Variants in VSIG1 observed in about 807,000 individuals in gnomAD.
The protein encoded by VSIG1 is V-set and immunoglobulin domain containing 1, also known as V-set and immunoglobulin domain-containing protein 1.
In VSIG1, 11 loss-of-function variants were observed where a neutral mutation model predicts 20.1. The ratio of observed to expected loss-of-function variants is 0.55; its 90% CI spans 0.34 to 0.91. VSIG1 has a LOEUF of 0.91. Among genes scored for constraint, VSIG1 ranks in the 40% least tolerant of loss-of-function variants. The probability of loss-of-function intolerance (pLI) is 0.02; values close to 1 mark genes in which losing one functional copy is unlikely to be tolerated. For missense variants in VSIG1, 283 were observed against 298.8 expected (o/e 0.95, Z 0.39); for synonymous variants, 126 against 116.7 (o/e 1.08, Z -0.52).
the VSIG1 span, among the ~76,000 whole-genome samples, chrX:108,031,908 G>C: frequency 8.9e-6 from 1 of 111,997 alleles, no homozygotes; most frequent in Non-Finnish European, 1.9e-5. Context: ...TCTCAAACTA[G>C]GGCCTCTGCT....
rs1569287407 is a variant in VSIG1, at chrX:108,047,957, C to CATATATATATATAT, written c.49+2779_49+2780insTATATATATATATA. On this transcript the variant is annotated intron_variant, in intron 1 of 6. Transcript: ENST00000217957. ...ATACACATATATATATATATATACA[C>CATATATATATATAT]ACACATATATATATATATATATATA... Among the ~76,000 whole-genome samples the CATATATATATATAT allele has an allele frequency of 8.1e-4, 21 of 25,895 alleles. 1 individual carries two copies. The highest frequency in any genetic ancestry group is 1.6e-3 in the Admixed American group (3 of 1,831). The allele number at this position is 25,895 out of a possible 115,157, so 22.5% of individuals were successfully genotyped here.
At chrX:108,050,687 A>G (rs1363236457) in intron 1 of VSIG1, among the ~76,000 whole-genome samples, 1 of 111,337 alleles carries the variant, frequency 9.0e-6, no homozygotes, top group Non-Finnish European at 1.9e-5. Flanking sequence ...TAATTACTTC[A>G]TCTTTCTGTA....
intron 4 of VSIG1, 131 bp downstream of exon 4, chrX:108,072,963 G>A: frequency 4.2e-6 from 3 of 706,295 alleles, no homozygotes; most frequent in Non-Finnish European, 6.2e-6. Flanking sequence ...GGTGGAGGGG[G>A]GCGGCTGGTA....
rs774251951 is a variant in VSIG1 at position 108,055,826 on chromosome X, A to C, written c.50-2212A>C. Among the ~76,000 whole-genome samples, 5 of 112,387 alleles carry C rather than the reference A, an allele frequency of 4.4e-5. No homozygotes were observed. The South Asian group carries it at 1.5e-3, about 33-fold the overall frequency. On this transcript the variant is annotated intron_variant, in intron 1 of 6. Coordinates refer to ENST00000217957, the MANE Select transcript of VSIG1 (RefSeq NM_182607.5). ...ATTTGTTTCCCAGAGCAGCTGTAAC[A>C]AATTGCCACAAATGGGGTGGCTTAA... is the stretch of plus-strand genomic sequence containing the variant.
At chrX:108,021,959 T>C in the VSIG1 span, among the ~76,000 whole-genome samples, 1 of 112,190 alleles carries the variant, frequency 8.9e-6, no homozygotes, top group African/African-American at 3.2e-5. Flanking sequence ...AATCTAAGTT[T>C]GTAGTAAGTT....
At chrX:108,047,666 T>G (rs2030610170) in intron 1 of VSIG1, among the ~76,000 whole-genome samples, 1 of 103,986 alleles carries the variant, frequency 9.6e-6, no homozygotes, top group African/African-American at 3.5e-5. Flanking sequence ...GATATTTTGC[T>G]GTGGTACATT....
At chrX:108,044,752 G>C (rs965925129), upstream of VSIG1, among the ~76,000 whole-genome samples, 1 of 111,813 alleles carries the variant, frequency 8.9e-6, no homozygotes, top group African/African-American at 3.3e-5. Flanking sequence ...AATTAGCCTT[G>C]TCAGCTTTTA....
intron 3 of VSIG1, among the ~76,000 whole-genome samples, chrX:108,068,713 C>A (rs1275578037): frequency 8.9e-6 from 1 of 112,050 alleles, no homozygotes; most frequent in Non-Finnish European, 1.9e-5. Context: ...TTAGTGATTA[C>A]AATTTGACAT....
the VSIG1 span, among the ~76,000 whole-genome samples, chrX:108,035,600 A>G: frequency 1.3e-4 from 14 of 110,845 alleles, no homozygotes; most frequent in Middle Eastern, 4.2e-3. Context: ...GTGGACCCCA[A>G]TGAGCAATGA....
intron 2 of VSIG1, among the ~76,000 whole-genome samples, chrX:108,063,772 G>A (rs770752500): frequency 9.0e-6 from 1 of 111,438 alleles, no homozygotes; most frequent in Non-Finnish European, 1.9e-5. Context: ...AGGACCTTGG[G>A]AGAAAGCAGG....
intron 1 of VSIG1, among the ~76,000 whole-genome samples, chrX:108,057,042 G>A (rs1602571493): frequency 8.9e-6 from 1 of 111,882 alleles, no homozygotes; most frequent in South Asian, 3.7e-4. Flanking sequence ...ATATATCATC[G>A]GGTACTACAA....
chrX:108,019,378 C>G, the VSIG1 span, among the ~76,000 whole-genome samples: 2 of 112,476 alleles, frequency 1.8e-5, no homozygotes, highest in African/African-American at 6.5e-5. Flanking sequence ...ACCCTGCCCC[C>G]CCGTGTTGCA....
the VSIG1 span, among the ~76,000 whole-genome samples, chrX:108,022,937 GC>G: frequency 8.9e-6 from 1 of 111,743 alleles, no homozygotes; most frequent in Non-Finnish European, 1.9e-5. Context: ...TGACACATCT[GC>G]CCCCACTTCA....
At position 108,072,849 on chromosome X, in the gene VSIG1, G is replaced by A; in HGVS notation, c.568+17G>A. Reference sequence around the variant, plus strand: ...AAAACTTCAGTAAGTGTAACCTGCAGTAGACCCTGGAAAGGCCTGGTGTCT... The same window carrying A: ...AAAACTTCAGTAAGTGTAACCTGCAATAGACCCTGGAAAGGCCTGGTGTCT... On this transcript the variant is annotated intron_variant, in intron 4 of 6. Transcript: ENST00000217957. 8.3e-7 allele frequency: 1 copy of A among 1,206,940 alleles called. No individual in the cohort carries two copies. The highest frequency in any genetic ancestry group is 1.1e-6 in the Non-Finnish European group (1 of 892,631).
the VSIG1 span, among the ~76,000 whole-genome samples, chrX:108,023,668 C>T: frequency 2.7e-5 from 3 of 111,603 alleles, no homozygotes; most frequent in Admixed American, 9.6e-5. Flanking sequence ...CAAATGACAA[C>T]AGACAGAGAT....
At chrX:108,030,680 C>T in the VSIG1 span, among the ~76,000 whole-genome samples, 1 of 112,141 alleles carries the variant, frequency 8.9e-6, no homozygotes, top group Non-Finnish European at 1.9e-5. Flanking sequence ...CTCCTCATCT[C>T]TTCTGTGACT....
At chrX:108,075,474 T>C (rs2031331506) in intron 5 of VSIG1, among the ~76,000 whole-genome samples, 1 of 111,238 alleles carries the variant, frequency 9.0e-6, no homozygotes, top group African/African-American at 3.3e-5. Flanking sequence ...TGTCCATCCT[T>C]GTGTGAGGGG....
At chrX:108,035,089 C>T in the VSIG1 span, among the ~76,000 whole-genome samples, 5 of 111,787 alleles carry the variant, frequency 4.5e-5, no homozygotes, top group African/African-American at 1.6e-4. Context: ...ATACCTAACT[C>T]CTGTCTTAAC....
intron 4 of VSIG1, 92 bp from the exon 5 acceptor site, chrX:108,073,158 G>C (rs1014062332): frequency 9.6e-7 from 1 of 1,038,277 alleles, no homozygotes; most frequent in African/African-American, 1.8e-5. Flanking sequence ...AGGCCAATAT[G>C]GGGGAGTGGG....
Sources: gnomAD v4.1 joint callset for allele counts (sites outside exome capture counted in the v4.1 genomes callset) on GRCh38, gnomAD v4.1.1 for gene constraint, MANE v1.5 for transcripts, NCBI Gene and HGNC (gene_info 2026-07-23, HGNC 2026-07-21) for gene names.